CNTN4: variants seen among roughly 807,000 people sequenced by gnomAD.
CNTN4 encodes contactin 4, also known as contactin-4.
CNTN4 carries 77 observed loss-of-function variants against 122.5 expected under a neutral mutation model. The ratio of observed to expected loss-of-function variants is 0.63; its 90% CI spans 0.52 to 0.76. The LOEUF (loss-of-function observed/expected upper bound fraction) is 0.76. Ranked by LOEUF, CNTN4 falls within the 30% of genes least tolerant of loss-of-function variation. The pLI is 0.00. For missense variants in CNTN4, 1,256 were observed against 1,259.1 expected, an observed-to-expected ratio of 1.00 and a Z score of 0.04; for synonymous variants, 512 against 447.0, an observed-to-expected ratio of 1.15 and a Z score of -1.83.
At chr3:2,482,003 G>A (rs577137423) in intron 3 of CNTN4, among the ~76,000 whole-genome samples, 3 of 152,160 alleles carry the variant, frequency 2.0e-5, no homozygotes, top group African/African-American at 4.8e-5. Context: ...CAGTAAATTG[G>A]TACTGCAGAG....
chr3:2,664,993 T>C (rs1259908990), intron 4 of CNTN4, among the ~76,000 whole-genome samples: 2 of 152,152 alleles, frequency 1.3e-5, no homozygotes, highest in Non-Finnish European at 2.9e-5. Context: ...TCCTCTGAAA[T>C]ACCAATAACA....
intron 3 of CNTN4, among the ~76,000 whole-genome samples, chr3:2,404,377 T>C (rs969750603): frequency 6.6e-6 from 1 of 152,132 alleles, no homozygotes; most frequent in African/African-American, 2.4e-5. Context: ...GATTGTATGA[T>C]TGAGGCCCTC....
intron 4 of CNTN4, among the ~76,000 whole-genome samples, chr3:2,648,042 A>T (rs2083205475): frequency 6.6e-6 from 1 of 152,208 alleles, no homozygotes; most frequent in Non-Finnish European, 1.5e-5. Context: ...AATCCTTCCC[A>T]GTCATCACTG....
At chr3:2,444,993 A>G (rs1203553929) in intron 3 of CNTN4, among the ~76,000 whole-genome samples, 1 of 150,328 alleles carries the variant, frequency 6.7e-6, no homozygotes, top group Non-Finnish European at 1.5e-5. Flanking sequence ...CCCACTTCTT[A>G]CTATGTAAAA....
chr3:2,233,546 G>A (rs1441626646), intron 2 of CNTN4, among the ~76,000 whole-genome samples: 9 of 152,184 alleles, frequency 5.9e-5, no homozygotes, highest in Middle Eastern at 3.4e-3. Context: ...ATTTATGTAA[G>A]GATTATTTCC....
intron 12 of CNTN4, among the ~76,000 whole-genome samples, chr3:2,913,989 T>C (rs2094328423): frequency 6.6e-6 from 1 of 152,070 alleles, no homozygotes; most frequent in Non-Finnish European, 1.5e-5. Context: ...AAACTAGAAA[T>C]TGATAGCAGA....
intron 6 of CNTN4, among the ~76,000 whole-genome samples, chr3:2,781,773 G>T (rs533578746): frequency 7.4e-6 from 1 of 134,644 alleles, no homozygotes; most frequent in East Asian, 2.0e-4. Flanking sequence ...CGCCCAGGCT[G>T]GAGGGCAGTA....
chr3:2,561,659 C>T (rs536763215), intron 3 of CNTN4, among the ~76,000 whole-genome samples: 1 of 152,222 alleles, frequency 6.6e-6, no homozygotes, highest in African/African-American at 2.4e-5. Flanking sequence ...CTTTCAACAA[C>T]CCTGTATTTT....
chr3:2,407,527 A>G, intron 3 of CNTN4, among the ~76,000 whole-genome samples: 1 of 152,196 alleles, frequency 6.6e-6, no homozygotes, highest in East Asian at 1.9e-4. Flanking sequence ...CATAAAATAA[A>G]GGGAACAAAT....
Position 2,728,580 on chromosome 3 carries a change from A to G in CNTN4, c.56-7635A>G, listed in dbSNP as rs112078110. On this transcript the variant is annotated intron_variant, in intron 4 of 24. Coordinates refer to ENST00000418658, the MANE Select transcript of CNTN4 (RefSeq NM_175607.3). Reference sequence around the variant, plus strand: ...CAATCTGATAAAGCAACACGTTCCCACTGATTACACACACGGAGCATTTAC... The same window carrying G: ...CAATCTGATAAAGCAACACGTTCCCGCTGATTACACACACGGAGCATTTAC... Among the ~76,000 whole-genome samples the G allele has an allele frequency of 2.1e-3, 326 of 152,276 alleles. 1 individual carries two copies. Among genetic ancestry groups the G allele is most frequent in the Middle Eastern group, 0.01 (3 of 294 alleles).
At chr3:2,948,745 G>T (rs1229460173) in intron 13 of CNTN4, among the ~76,000 whole-genome samples, 1 of 152,054 alleles carries the variant, frequency 6.6e-6, no homozygotes, top group African/African-American at 2.4e-5. Flanking sequence ...ATATTGGGTT[G>T]TGAGATACTA....
At chr3:2,791,463 GT>G (rs2092007830) in intron 6 of CNTN4, among the ~76,000 whole-genome samples, 1 of 151,778 alleles carries the variant, frequency 6.6e-6, no homozygotes. Flanking sequence ...AGCCCAGGAG[GT>G]TGAGGCTGCA....
At chr3:2,930,191 T>C (rs1243343136) in intron 13 of CNTN4, among the ~76,000 whole-genome samples, 2 of 152,200 alleles carry the variant, frequency 1.3e-5, no homozygotes, top group Non-Finnish European at 2.9e-5. Context: ...TTGTATCTGA[T>C]TTTCTTCAGA....
chr3:2,348,458 C>T (rs1402781079), intron 3 of CNTN4, among the ~76,000 whole-genome samples: 2 of 152,164 alleles, frequency 1.3e-5, no homozygotes, highest in Admixed American at 6.5e-5. Context: ...AACCCTGGCT[C>T]ACCAGCCCTC....
chr3:2,571,609 C>T (rs2079422419), intron 4 of CNTN4, 51 bp downstream of exon 4: 4 of 1,347,068 alleles, frequency 3.0e-6, no homozygotes, highest in Non-Finnish European at 3.2e-6. Context: ...CTGTATTTCA[C>T]ACTAATTCAA....
chr3:2,779,305 C>T (rs183865547), intron 6 of CNTN4, among the ~76,000 whole-genome samples: 13 of 152,178 alleles, frequency 8.5e-5, no homozygotes, highest in Admixed American at 1.3e-4. Context: ...GTCACTCTGT[C>T]GCCCAGGCTT....
At chr3:2,130,338 G>A (rs2034392122) in intron 2 of CNTN4, among the ~76,000 whole-genome samples, 1 of 152,114 alleles carries the variant, frequency 6.6e-6, no homozygotes, top group South Asian at 2.1e-4. Context: ...GTCCCAAGAT[G>A]GGATTCTAAT....
At chr3:2,141,532 C>T (rs189895055) in intron 2 of CNTN4, among the ~76,000 whole-genome samples, 47 of 152,232 alleles carry the variant, frequency 3.1e-4, no homozygotes, top group Admixed American at 7.2e-4. Context: ...TTCTGATTTC[C>T]AGAACTGTAA....
At chr3:2,267,871 A>G (rs997229992) in intron 2 of CNTN4, among the ~76,000 whole-genome samples, 1 of 151,892 alleles carries the variant, frequency 6.6e-6, no homozygotes, top group African/African-American at 2.4e-5. Flanking sequence ...CTTATATGTA[A>G]CAGTCCTTAA....
Sources: allele counts gnomAD v4.1 joint callset (sites outside exome capture counted in the v4.1 genomes callset), GRCh38; gene constraint gnomAD v4.1.1; transcripts MANE v1.5; gene names NCBI Gene and HGNC (gene_info 2026-07-23, HGNC 2026-07-21).